Variants in VOPP1 observed in about 807,000 individuals in gnomAD.
VOPP1 encodes the protein VOPP1 WW domain binding protein.
A neutral mutation model predicts 23.5 loss-of-function variants in VOPP1; 8 were observed. The ratio of observed to expected loss-of-function variants is 0.34; its 90% CI spans 0.20 to 0.61. The LOEUF is 0.61. Among genes scored for constraint, VOPP1 ranks in the 20% least tolerant of loss-of-function variants. VOPP1 has a pLI of 0.78. For missense variants in VOPP1, 174 were observed against 238.1 expected (o/e 0.73, Z 1.77); for synonymous variants, 83 against 97.3 (o/e 0.85, Z 0.86).
At chr7:55,554,489 GA>G (rs1283839846) in intron 1 of VOPP1, among the ~76,000 whole-genome samples, 2 of 152,368 alleles carry the variant, frequency 1.3e-5, no homozygotes, top group East Asian at 3.9e-4. Context: ...TGTACACGAG[GA>G]AAATGGCCTG....
At chr7:55,522,996 T>A (rs1294083898) in intron 1 of VOPP1, among the ~76,000 whole-genome samples, 1 of 152,102 alleles carries the variant, frequency 6.6e-6, no homozygotes, top group Non-Finnish European at 1.5e-5. Flanking sequence ...GGGATACAGG[T>A]ATATGAGGAA....
At chr7:55,458,618 C>A (rs1164370467) in intron 4 of VOPP1, among the ~76,000 whole-genome samples, 1 of 151,878 alleles carries the variant, frequency 6.6e-6, no homozygotes, top group Non-Finnish European at 1.5e-5. Flanking sequence ...GACCTTTCAC[C>A]TTTTTGGTTA....
intron 1 of VOPP1, chr7:55,538,525 A>AGACTGAGGATTCCACAGTCC: frequency 8.0e-7 from 1 of 1,257,290 alleles, no homozygotes; most frequent in Non-Finnish European, 1.1e-6. Flanking sequence ...TATGGTCCAA[A>AGACTGAGGATTCCACAGTCC]GACTGAGGAT....
intron 1 of VOPP1, among the ~76,000 whole-genome samples, chr7:55,547,304 T>A (rs1471654941): frequency 1.3e-5 from 2 of 152,186 alleles, no homozygotes; most frequent in African/African-American, 4.8e-5. Context: ...CCCCTGGGGC[T>A]ACATGCATTC....
intron 2 of VOPP1, among the ~76,000 whole-genome samples, chr7:55,500,462 G>A (rs1252149467): frequency 6.6e-6 from 1 of 152,194 alleles, no homozygotes; most frequent in African/African-American, 2.4e-5. Flanking sequence ...CAATTCGGAG[G>A]ACTCCAAGCT....
chr7:55,505,331 T>G (rs772417935), intron 2 of VOPP1, among the ~76,000 whole-genome samples: 2 of 151,980 alleles, frequency 1.3e-5, no homozygotes, highest in Non-Finnish European at 2.9e-5. Context: ...ATCCAAAACC[T>G]GAGACCTTCC....
intron 2 of VOPP1, among the ~76,000 whole-genome samples, chr7:55,512,642 A>G (rs1795151874): frequency 6.6e-6 from 1 of 152,212 alleles, no homozygotes; most frequent in African/African-American, 2.4e-5. Context: ...GCTGTGCTCC[A>G]TCTCCTGACG....
intron 1 of VOPP1, among the ~76,000 whole-genome samples, chr7:55,568,889 C>A (rs1422180819): frequency 8.5e-5 from 13 of 152,172 alleles, no homozygotes; most frequent in Admixed American, 8.5e-4. Flanking sequence ...TTTCACTCTT[C>A]CTGTAAGGAT....
chr7:55,461,678 A>G (rs6959659), intron 4 of VOPP1, among the ~76,000 whole-genome samples: 4,146 of 152,256 alleles, frequency 0.027, 201 homozygotes, highest in African/African-American at 0.095. Flanking sequence ...AGCCTCCCAA[A>G]GTGCTGGGAT....
chr7:55,491,381 G>A (rs1199400273), intron 4 of VOPP1, among the ~76,000 whole-genome samples: 2 of 152,158 alleles, frequency 1.3e-5, no homozygotes, highest in East Asian at 3.8e-4. Flanking sequence ...ACTGCTCCTA[G>A]AACTGACCAC....
downstream of VOPP1, among the ~76,000 whole-genome samples, chr7:55,465,851 T>G (rs1791618082): frequency 6.6e-6 from 1 of 152,200 alleles, no homozygotes; most frequent in Non-Finnish European, 1.5e-5. Context: ...ACAGGGACTC[T>G]CTCACATCTA....
intron 4 of VOPP1, among the ~76,000 whole-genome samples, chr7:55,439,405 G>A (rs1436974117): frequency 1.3e-5 from 2 of 152,042 alleles, no homozygotes; most frequent in Non-Finnish European, 2.9e-5. Flanking sequence ...TGAACTCCTC[G>A]GCAGCACAGG....
intron 1 of VOPP1, among the ~76,000 whole-genome samples, chr7:55,523,029 C>T (rs956487586): frequency 1.3e-5 from 2 of 152,196 alleles, no homozygotes; most frequent in African/African-American, 4.8e-5. Flanking sequence ...AATTAAGGCA[C>T]CAGGGCCCTT....
chr7:55,559,133 G>C (rs1054199238), intron 1 of VOPP1, among the ~76,000 whole-genome samples: 7 of 152,062 alleles, frequency 4.6e-5, no homozygotes, highest in Non-Finnish European at 1.0e-4. Context: ...GGCTTCAATG[G>C]GAGCCTGAGC....
intron 4 of VOPP1, among the ~76,000 whole-genome samples, chr7:55,459,024 G>A (rs1182820599): frequency 2.6e-5 from 4 of 151,934 alleles, no homozygotes; most frequent in Non-Finnish European, 5.9e-5. Context: ...TGTCATATAT[G>A]GCCTTTATTA....
downstream of VOPP1, among the ~76,000 whole-genome samples, chr7:55,466,400 G>A (rs1441612720): frequency 6.6e-6 from 1 of 152,176 alleles, no homozygotes; most frequent in Non-Finnish European, 1.5e-5. Context: ...CCTACAGAGT[G>A]ACAGAAAGGA....
At chr7:55,523,831 G>C (rs1177946784) in intron 1 of VOPP1, among the ~76,000 whole-genome samples, 1 of 152,226 alleles carries the variant, frequency 6.6e-6, no homozygotes, top group African/African-American at 2.4e-5. Context: ...TACCCGTGGA[G>C]GGTGGGTGGG....
At chr7:55,438,065 C>T (rs905676293) in intron 4 of VOPP1, among the ~76,000 whole-genome samples, 5 of 151,868 alleles carry the variant, frequency 3.3e-5, no homozygotes, top group Non-Finnish European at 7.4e-5. Flanking sequence ...CCTCACCCGG[C>T]TAATTTTTTG....
chr7:55,512,628 G>A (rs1219939062), intron 2 of VOPP1, among the ~76,000 whole-genome samples: 1 of 152,184 alleles, frequency 6.6e-6, no homozygotes, highest in Non-Finnish European at 1.5e-5. Context: ...GCTGCAACCC[G>A]AAGGCTGTGC....
Sources: gnomAD v4.1 joint callset for allele counts (sites outside exome capture counted in the v4.1 genomes callset) on GRCh38, gnomAD v4.1.1 for gene constraint, MANE v1.5 for transcripts, NCBI Gene and HGNC (gene_info 2026-07-23, HGNC 2026-07-21) for gene names.